The following PCDH9 variants were observed in gnomAD, a reference collection of about 807,000 sequenced individuals.
The protein encoded by PCDH9 is protocadherin 9, also known as protocadherin-9.
In PCDH9, 24 loss-of-function variants were observed where a neutral mutation model predicts 70.6. The ratio of observed to expected loss-of-function variants is 0.34; its 90% CI spans 0.25 to 0.48. The LOEUF is 0.48. Among genes scored for constraint, PCDH9 ranks in the 20% least tolerant of loss-of-function variants. The pLI is 0.99. For synonymous variants in PCDH9, 562 were observed against 558.5 expected (o/e 1.01, Z -0.09); for missense variants, 1,281 against 1,503.6 (o/e 0.85, Z 2.45).
intron 2 of PCDH9, among the ~76,000 whole-genome samples, chr13:66,952,118 T>C (rs1382640948): frequency 6.6e-6 from 1 of 152,206 alleles, no homozygotes; most frequent in Non-Finnish European, 1.5e-5. Flanking sequence ...GAACATCTTA[T>C]ATGGTTTTGT....
intron 4 of PCDH9, among the ~76,000 whole-genome samples, chr13:66,396,428 G>A (rs576021131): frequency 1.3e-5 from 2 of 152,192 alleles, no homozygotes; most frequent in Admixed American, 6.5e-5. Flanking sequence ...TGGAGACCCG[G>A]ACTAAGGCTT....
intron 2 of PCDH9, among the ~76,000 whole-genome samples, chr13:67,184,115 G>A (rs1276403249): frequency 6.6e-6 from 1 of 152,102 alleles, no homozygotes; most frequent in Non-Finnish European, 1.5e-5. Flanking sequence ...AAAATAAAGA[G>A]AATAGTGTCT....
At chr13:66,394,644 G>A (rs1352358609) in intron 4 of PCDH9, among the ~76,000 whole-genome samples, 1 of 152,044 alleles carries the variant, frequency 6.6e-6, no homozygotes, top group Non-Finnish European at 1.5e-5. Flanking sequence ...TATATATTAA[G>A]TGGCTATCAC....
At chr13:66,330,866 A>G (rs1431382726) in intron 4 of PCDH9, among the ~76,000 whole-genome samples, 1 of 152,228 alleles carries the variant, frequency 6.6e-6, no homozygotes, top group Non-Finnish European at 1.5e-5. Flanking sequence ...ACTGGCTACT[A>G]TATTTTAAGC....
chr13:66,558,050 G>A (rs1055899648), intron 4 of PCDH9, among the ~76,000 whole-genome samples: 2 of 152,088 alleles, frequency 1.3e-5, no homozygotes, highest in East Asian at 1.9e-4. Context: ...AGCTACTCAG[G>A]AGCCTGAGGC....
chr13:67,085,672 A>G (rs1489374826), intron 2 of PCDH9, among the ~76,000 whole-genome samples: 1 of 152,186 alleles, frequency 6.6e-6, no homozygotes, highest in Non-Finnish European at 1.5e-5. Context: ...TCAAACAGAA[A>G]ATAGCTTGAG....
At chr13:66,343,118 A>C (rs1469907378) in intron 4 of PCDH9, among the ~76,000 whole-genome samples, 1 of 152,170 alleles carries the variant, frequency 6.6e-6, no homozygotes, top group Non-Finnish European at 1.5e-5. Context: ...TAATTCCATC[A>C]ATAAAAATAA....
intron 3 of PCDH9, among the ~76,000 whole-genome samples, chr13:66,893,365 C>T (rs190713103): frequency 1.2e-4 from 18 of 152,240 alleles, no homozygotes; most frequent in Non-Finnish European, 2.4e-4. Flanking sequence ...GGGTCTGCTG[C>T]CATTTTTGTC....
chr13:66,564,934 A>G (rs1035141451), intron 4 of PCDH9, among the ~76,000 whole-genome samples: 1 of 151,940 alleles, frequency 6.6e-6, no homozygotes, highest in Non-Finnish European at 1.5e-5. Context: ...GGTTATACTC[A>G]TGCACATGGA....
intron 2 of PCDH9, among the ~76,000 whole-genome samples, chr13:67,199,068 A>T (rs912160278): frequency 7.9e-5 from 12 of 151,602 alleles, no homozygotes; most frequent in Non-Finnish European, 1.5e-4. Context: ...AACTAAACTG[A>T]TCATATTTAA....
rs539071574 is a variant in PCDH9, at chr13:66,437,338, C to CG, written c.3341-132311dup. 4.7e-3 allele frequency among the ~76,000 whole-genome samples: 593 copies of CG among 126,128 alleles called. 18 individuals carry two copies. In the East Asian group the frequency reaches 0.099, roughly 21 times the overall value. 82.7% of individuals were successfully genotyped at this position (126,128 alleles called of 152,430 possible). A position where few individuals can be genotyped will look rare whatever the true frequency, so the allele number is the denominator to read the frequency against. On this transcript the variant is annotated intron_variant, in intron 4 of 4. Coordinates refer to ENST00000377865, the MANE Select transcript of PCDH9 (RefSeq NM_203487.3). ...AGGAGAATGACGTGAACCCGGGAGGCGAGCTTGCGTGAGCCGAGATCGCTC... is the reference window on the plus strand; with the variant it reads ...AGGAGAATGACGTGAACCCGGGAGGCGGAGCTTGCGTGAGCCGAGATCGCTC...
chr13:66,788,583 T>C (rs2080114670), intron 3 of PCDH9, among the ~76,000 whole-genome samples: 1 of 151,830 alleles, frequency 6.6e-6, no homozygotes, highest in South Asian at 2.1e-4. Flanking sequence ...GCTCACTGAC[T>C]TCCACTCTGA....
intron 2 of PCDH9, among the ~76,000 whole-genome samples, chr13:67,090,245 G>T (rs772826986): frequency 6.6e-6 from 1 of 151,938 alleles, no homozygotes; most frequent in South Asian, 2.1e-4. Context: ...GAGGGAACTT[G>T]TGAAAATGCA....
chr13:67,227,944 G>T lies in PCDH9; in HGVS notation c.497C>A (p.Ala166Glu), dbSNP rs777706573. The change falls in exon 2 of 5, where the codon GCA (alanine) becomes GAA (glutamate). Residue 166 changes from alanine to glutamate, a missense_variant. Physicochemically the swap from Ala to Glu is moderately radical, Grantham distance 107 (BLOSUM62 -1). Around this residue, in one of 4 missense-constraint regions of PCDH9, gnomAD observed 798 missense variants for 1,003.1 expected, o/e 0.80. Transcript: ENST00000377865. This position sits in a 1 kb window ranked among gnomAD's most constrained non-coding sequence, Gnocchi z 4.6. ...LINSRFPIPS[A>E]TDPDTGFNGV... Reference sequence around the variant, plus strand: ...ATTGAAGCCTGTGTCAGGATCTGTTGCTGATGGAATTGGAAAGCGGCTGTT... The same window carrying T: ...ATTGAAGCCTGTGTCAGGATCTGTTTCTGATGGAATTGGAAAGCGGCTGTT... 6.2e-7 allele frequency: 1 copy of T among 1,614,120 alleles called. No individual in the cohort carries two copies. Among genetic ancestry groups the T allele is most frequent in the South Asian group, 1.1e-5 (1 of 91,082 alleles).
intron 3 of PCDH9, among the ~76,000 whole-genome samples, chr13:66,849,511 T>TAGAG (rs1252511795): frequency 0.024 from 1,999 of 81,756 alleles, 31 homozygotes; most frequent in Admixed American, 0.036. Flanking sequence ...TATATATATA[T>TAGAG]ATATATAGAG....
chr13:66,326,565 C>T (rs1465394179), intron 4 of PCDH9, among the ~76,000 whole-genome samples: 1 of 152,122 alleles, frequency 6.6e-6, no homozygotes, highest in Middle Eastern at 3.4e-3. Flanking sequence ...ACTACAGGCG[C>T]CCGCCACCAC....
At chr13:66,305,480 G>A (rs1955450589) in intron 4 of PCDH9, among the ~76,000 whole-genome samples, 1 of 150,968 alleles carries the variant, frequency 6.6e-6, no homozygotes, top group Admixed American at 6.6e-5. Flanking sequence ...ACTCCACTAA[G>A]TTAAAAAGCA....
intron 2 of PCDH9, among the ~76,000 whole-genome samples, chr13:67,004,565 AAAGAAAGAAAG>A (rs1017038700): frequency 1.0e-4 from 14 of 140,366 alleles, no homozygotes; most frequent in African/African-American, 3.3e-4. Context: ...AAAAAAAAAA[AAAGAAAGAAAG>A]AAAGAAAGAA....
intron 4 of PCDH9, among the ~76,000 whole-genome samples, chr13:66,450,116 C>A (rs553074078): frequency 1.4e-4 from 22 of 152,192 alleles, no homozygotes; most frequent in African/African-American, 5.3e-4. Flanking sequence ...CAGACAACTA[C>A]ATCTTACCCT....
Sources: gnomAD v4.1 joint callset for allele counts (sites outside exome capture counted in the v4.1 genomes callset) on GRCh38, gnomAD v4.1.1 for gene constraint, gnomAD v4.1.1 regional missense constraint, Gnocchi (gnomAD v3.1) non-coding constraint, MANE v1.5 for transcripts, NCBI Gene and HGNC (gene_info 2026-07-23, HGNC 2026-07-21) for gene names.